Variants in ZNF280C observed in about 807,000 individuals in gnomAD.
The protein encoded by ZNF280C is suppressor of hairy wing homolog 3.
A neutral mutation model predicts 53.6 loss-of-function variants in ZNF280C; 14 were observed. The ratio of observed to expected loss-of-function variants is 0.26; its 90% CI spans 0.17 to 0.41. The LOEUF (loss-of-function observed/expected upper bound fraction) is 0.41. Among genes scored for constraint, ZNF280C ranks in the 10% least tolerant of loss-of-function variants. The probability of loss-of-function intolerance (pLI) is 1.00; values close to 1 mark genes in which losing one functional copy is unlikely to be tolerated. For synonymous variants in ZNF280C, 203 were observed against 181.1 expected (o/e 1.12, Z -0.97); for missense variants, 416 against 547.1 (o/e 0.76, Z 2.39).
At chrX:130,251,787 TG>T (rs1269533780) in intron 2 of ZNF280C, among the ~76,000 whole-genome samples, 3 of 67,945 alleles carry the variant, frequency 4.4e-5, no homozygotes, top group African/African-American at 1.6e-4. Context: ...AGACTTCGTC[TG>T]AAAAAAAAAA....
At chrX:130,264,967 C>G (rs751629852) in intron 1 of ZNF280C, among the ~76,000 whole-genome samples, 1 of 111,801 alleles carries the variant, frequency 8.9e-6, no homozygotes, top group African/African-American at 3.2e-5. Flanking sequence ...GGCATCTCAA[C>G]GATTCAAACT....
chrX:130,239,482 C>G (rs759111037), intron 6 of ZNF280C, 100 bp downstream of exon 6: 67 of 446,766 alleles, frequency 1.5e-4, no homozygotes, highest in Non-Finnish European at 2.4e-4. Context: ...ATATGAAAAA[C>G]TTAACATGAA....
At position 130,208,755 on chromosome X, in the gene ZNF280C, G is replaced by A. The variant is rs541228272; in HGVS notation, c.2042+898C>T. On this transcript the variant is annotated intron_variant, in intron 16 of 18. Coordinates refer to ENST00000370978, the MANE Select transcript of ZNF280C (RefSeq NM_017666.5). ...CTTTTGCACAGGCTGGAGTTAAGTG[G>A]TGCAATCTCGGCTCACTGCAACCTC... Among the ~76,000 whole-genome samples the A allele has an allele frequency of 2.8e-5, 3 of 107,639 alleles. No homozygotes were observed. In the South Asian group the frequency reaches 1.2e-3, roughly 45 times the overall value. 93.5% of individuals were successfully genotyped at this position (107,639 alleles called of 115,157 possible). A position where few individuals can be genotyped will look rare whatever the true frequency, so the allele number is the denominator to read the frequency against.
intron 6 of ZNF280C, 45 bp from the exon 7 acceptor site, chrX:130,236,684 G>C (rs1186158129): frequency 7.4e-6 from 7 of 945,327 alleles, no homozygotes; most frequent in Admixed American, 3.0e-5. Context: ...AAATATTTCA[G>C]TATGGAATAT....
At chrX:130,212,546 T>A (rs1359525712) in intron 15 of ZNF280C, among the ~76,000 whole-genome samples, 1 of 98,759 alleles carries the variant, frequency 1.0e-5, no homozygotes, top group Non-Finnish European at 2.0e-5. Context: ...TGAAAAATAA[T>A]GAGTACATCC....
intron 8 of ZNF280C, 114 bp downstream of exon 8, chrX:130,236,100 C>T (rs1460739020): frequency 1.3e-5 from 5 of 396,356 alleles, no homozygotes; most frequent in Admixed American, 5.0e-5. Context: ...AATGCCAATA[C>T]GAGGTTTCTT....
At chrX:130,264,690 T>C (rs1048676250) in intron 1 of ZNF280C, among the ~76,000 whole-genome samples, 3 of 110,793 alleles carry the variant, frequency 2.7e-5, no homozygotes, top group Non-Finnish European at 5.7e-5. Context: ...ATATAGTATA[T>C]ATCAGTAGGT....
rs2032090656 is a variant in ZNF280C, at chrX:130,215,455, A to C, written c.1839-122T>G. The stretch of plus-strand genomic sequence containing the variant: ...TAAATTGGTATCTTTAAGTAGACTC[A>C]TAATTTCAAAATTTGCTTTGAAACA... On this transcript the variant is annotated intron_variant, in intron 14 of 18. Coordinates refer to ENST00000370978, the MANE Select transcript of ZNF280C (RefSeq NM_017666.5). 4.2e-6 allele frequency: 3 copies of C among 706,672 alleles called. No homozygotes were observed. The South Asian group carries it at 1.2e-4, about 28-fold the overall frequency. The allele number at this position is 706,672 out of a possible 1,213,427, so 58.2% of individuals were successfully genotyped here.
intron 13 of ZNF280C, among the ~76,000 whole-genome samples, chrX:130,216,436 A>G (rs999944425): frequency 2.7e-5 from 3 of 112,315 alleles, no homozygotes; most frequent in Non-Finnish European, 5.6e-5. Context: ...TTTCTTATAT[A>G]TGACACCAAA....
At chrX:130,240,999 C>T (rs1195027514) in intron 5 of ZNF280C, among the ~76,000 whole-genome samples, 3 of 111,755 alleles carry the variant, frequency 2.7e-5, no homozygotes, top group Non-Finnish European at 5.7e-5. Context: ...AATATTATCT[C>T]ACATTTTATA....
intron 12 of ZNF280C, among the ~76,000 whole-genome samples, chrX:130,221,795 T>G (rs1199797139): frequency 8.9e-6 from 1 of 111,813 alleles, no homozygotes; most frequent in Non-Finnish European, 1.9e-5. Context: ...CTTCTCCCTA[T>G]TTCCATCCTT....
intron 1 of ZNF280C, among the ~76,000 whole-genome samples, chrX:130,267,037 G>A (rs2032696490): frequency 9.2e-6 from 1 of 108,189 alleles, no homozygotes. Flanking sequence ...GGAGGCAGAG[G>A]TTGCAGTGAG....
intron 15 of ZNF280C, among the ~76,000 whole-genome samples, chrX:130,213,399 A>T (rs2032064274): frequency 9.0e-6 from 1 of 111,087 alleles, no homozygotes; most frequent in African/African-American, 3.3e-5. Flanking sequence ...AAACAAAAAC[A>T]AAGCGGTATT....
At chrX:130,224,506 T>C (rs1413604669) in intron 12 of ZNF280C, among the ~76,000 whole-genome samples, 2 of 111,817 alleles carry the variant, frequency 1.8e-5, no homozygotes, top group Non-Finnish European at 1.9e-5. Context: ...CTTAGTGTTA[T>C]ACTCACAGCT....
chrX:130,230,790 T>C (rs1325097407), intron 8 of ZNF280C, 63 bp from the exon 9 acceptor site: 6 of 765,230 alleles, frequency 7.8e-6, no homozygotes, highest in Non-Finnish European at 1.1e-5. Flanking sequence ...TACCAAAAAA[T>C]GATTGTGTTT....
intron 5 of ZNF280C, among the ~76,000 whole-genome samples, chrX:130,241,476 T>C (rs1022432203): frequency 8.0e-5 from 9 of 112,640 alleles, no homozygotes; most frequent in African/African-American, 2.9e-4. Context: ...ACATACTTAA[T>C]GGGGCTGAGT....
At chrX:130,227,859 G>A in intron 10 of ZNF280C, 77 bp from the exon 11 acceptor site, 1 of 529,992 alleles carries the variant, frequency 1.9e-6, no homozygotes, top group East Asian at 3.5e-5. Context: ...TCCACAACAA[G>A]TAATAATAAT....
chrX:130,239,189 T>C (rs2032363291), intron 6 of ZNF280C, among the ~76,000 whole-genome samples: 1 of 111,795 alleles, frequency 8.9e-6, no homozygotes. Context: ...ATTAGCATAT[T>C]GAGAAATCAA....
At position 130,204,387 on chromosome X, in the gene ZNF280C, C is replaced by A. The variant is rs1290766583; in HGVS notation, c.*590G>T. On this transcript the variant is annotated 3_prime_UTR_variant, in exon 19 of 19. Transcript: ENST00000370978. ...CAGTCAGGTAGGAAGGGACTCTCCC[C>A]AAGATCTGATTTCTGAAGGCCACAA... 8.9e-6 allele frequency: 1 copy of A among 112,524 alleles called. No homozygotes were observed. The highest frequency in any genetic ancestry group is 3.2e-5 in the African/African-American group (1 of 30,837). 9.3% of individuals were successfully genotyped at this position (112,524 alleles called of 1,213,427 possible). A position where few individuals can be genotyped will look rare whatever the true frequency, so the allele number is the denominator to read the frequency against.
Sources: gnomAD v4.1 joint callset for allele counts (sites outside exome capture counted in the v4.1 genomes callset) on GRCh38, gnomAD v4.1.1 for gene constraint, MANE v1.5 for transcripts, NCBI Gene and HGNC (gene_info 2026-07-23, HGNC 2026-07-21) for gene names.